The following NECTIN1 variants were observed in gnomAD, a reference collection of about 807,000 sequenced individuals.
NECTIN1 encodes the protein nectin-1.
In NECTIN1, 23 loss-of-function variants were observed where a neutral mutation model predicts 48.0. The ratio of observed to expected loss-of-function variants is 0.48; its 90% CI spans 0.34 to 0.68. The LOEUF is 0.68. NECTIN1 is among the 30% of genes least tolerant of loss of function. NECTIN1 has a pLI of 0.01. For synonymous variants in NECTIN1, 270 were observed against 288.9 expected (o/e 0.93, Z 0.66); for missense variants, 591 against 709.9 (o/e 0.83, Z 1.90).
intron 5 of NECTIN1, chr11:119,674,567 T>G (rs915404027): frequency 2.5e-6 from 4 of 1,614,078 alleles, no homozygotes; most frequent in Non-Finnish European, 3.4e-6. Flanking sequence ...CCATGCTCCT[T>G]TCACGTCCCA....
At chr11:119,689,537 G>A (rs191701230) in intron 1 of NECTIN1, among the ~76,000 whole-genome samples, 83 of 152,330 alleles carry the variant, frequency 5.4e-4, no homozygotes, top group African/African-American at 1.9e-3. Context: ...AGGGACTATC[G>A]GTTCAGGCTT....
chr11:119,657,883 T>C (rs1864600581), downstream of NECTIN1, among the ~76,000 whole-genome samples: 1 of 131,612 alleles, frequency 7.6e-6, no homozygotes, highest in Non-Finnish European at 1.5e-5. Context: ...ATTGTGCCAC[T>C]GCACTCCAGC....
downstream of NECTIN1, among the ~76,000 whole-genome samples, chr11:119,656,875 C>T (rs1864583111): frequency 6.6e-6 from 1 of 152,182 alleles, no homozygotes; most frequent in Non-Finnish European, 1.5e-5. Flanking sequence ...CAACATGGAG[C>T]CAGGAGCTCC....
At chr11:119,638,828 G>A in intron 6 of NECTIN1, 4 of 1,602,882 alleles carry the variant, frequency 2.5e-6, no homozygotes, top group Non-Finnish European at 3.4e-6. Flanking sequence ...ATGAGGGTAA[G>A]CTCAGCACAG....
chr11:119,689,680 C>G (rs1172376305), intron 1 of NECTIN1, among the ~76,000 whole-genome samples: 1 of 152,222 alleles, frequency 6.6e-6, no homozygotes, highest in Non-Finnish European at 1.5e-5. Context: ...ACTGCCAGAG[C>G]AGCAGGTGGG....
chr11:119,664,173 T>G lies in NECTIN1; in HGVS notation c.*574A>C, dbSNP rs919575136. On this transcript the variant is annotated 3_prime_UTR_variant, in exon 6 of 6. Coordinates refer to ENST00000264025, the MANE Select transcript of NECTIN1 (RefSeq NM_002855.5). ...TTAACAAACAAGACTCCCTGGGAAC[T>G]GGGGAGAAGCCGCACCCCTCCCCCT... 3 of 986,300 alleles carry G rather than the reference T, an allele frequency of 3.0e-6. No individual in the cohort carries two copies. The African/African-American group carries it at 5.2e-5, about 17-fold the overall frequency. The allele number at this position is 986,300 out of a possible 1,614,324, so 61.1% of individuals were successfully genotyped here. A position where few individuals can be genotyped will look rare whatever the true frequency, so the allele number is the denominator to read the frequency against.
intron 5 of NECTIN1, among the ~76,000 whole-genome samples, chr11:119,650,735 T>C (rs1399108649): frequency 6.6e-6 from 1 of 152,170 alleles, no homozygotes; most frequent in Non-Finnish European, 1.5e-5. Context: ...TGGGAAACTC[T>C]CTTCATGTCT....
Position 119,664,599 on chromosome 11 carries a change from C to G in NECTIN1, c.*148G>C, listed in dbSNP as rs1229476327. ...AGCCAAGTCGTGGCTGCCCTGGGCT[C>G]CCCTGGCCCCCCAGGAGTTCGGGGC... On this transcript the variant is annotated 3_prime_UTR_variant, in exon 6 of 6. Transcript: ENST00000264025. 2.1e-6 allele frequency: 3 copies of G among 1,441,322 alleles called. No individual in the cohort carries two copies. The highest frequency in any genetic ancestry group is 2.9e-5 in the African/African-American group (2 of 69,592). The allele number at this position is 1,441,322 out of a possible 1,614,324, so 89.3% of individuals were successfully genotyped here.
chr11:119,713,878 G>A, intron 1 of NECTIN1: 1 of 456,038 alleles, frequency 2.2e-6, no homozygotes, highest in Non-Finnish European at 4.4e-6. Context: ...TTGCTTGCCA[G>A]TGAGATGTCT....
rs11217396 is a variant in NECTIN1, at chr11:119,685,637, C to T, written c.80-6872G>A. Among the ~76,000 whole-genome samples, 561 of 152,326 alleles carry T rather than the reference C, an allele frequency of 3.7e-3. 5 individuals are homozygous for T. The East Asian group carries it at 0.048, about 13-fold the overall frequency. ...TGTTTCATGCTGGCTGCCCCATCCA[C>T]ATGGCCCATCATGGGGCCAGTCCTG... On this transcript the variant is annotated intron_variant, in intron 1 of 5. Transcript: ENST00000264025.
chr11:119,648,388 GTGGTGATGGTGGTGATGGTGA>G (rs1864441935), intron 5 of NECTIN1, among the ~76,000 whole-genome samples: 1 of 19,452 alleles, frequency 5.1e-5, no homozygotes, highest in Non-Finnish European at 1.1e-4. Context: ...GGTGGTGGTG[GTGGTGATGGTGGTGATGGTGA>G]TGGTGGTGGT....
intron 1 of NECTIN1, among the ~76,000 whole-genome samples, chr11:119,723,003 A>T (rs1865858008): frequency 6.6e-6 from 1 of 152,094 alleles, no homozygotes; most frequent in South Asian, 2.1e-4. Context: ...GGATCATGAG[A>T]TCAGGAGACT....
chr11:119,677,692 C>T lies in NECTIN1; in HGVS notation c.596G>A (p.Arg199Gln), dbSNP rs78809001. The change falls in exon 3 of 6, where the codon CGG (arginine) becomes CAG (glutamine). Residue 199 changes from arginine to glutamine, a missense_variant. Physicochemically the swap from Arg to Gln is conservative, Grantham distance 43. Transcript: ENST00000264025. The surrounding 1 kb of genome is among the most constrained non-coding windows in gnomAD (Gnocchi z 5.4). ...LKGEAEYQEI[R>Q]NPNGTVTVIS... ...GACCGTCACTGTGCCATTGGGGTTC[C>T]GGATCTCCTGGTACTCTGCCTCACC... The T allele has an allele frequency of 0.014, 22,326 of 1,614,126 alleles. 220 individuals carry two copies. Among genetic ancestry groups the T allele is most frequent in the Non-Finnish European group, 0.018 (20,762 of 1,180,006 alleles).
At chr11:119,698,832 G>T (rs1159757726) in intron 1 of NECTIN1, among the ~76,000 whole-genome samples, 1 of 152,128 alleles carries the variant, frequency 6.6e-6, no homozygotes, top group Non-Finnish European at 1.5e-5. Flanking sequence ...TCATGGACAG[G>T]GCTGCAAGCT....
intron 1 of NECTIN1, among the ~76,000 whole-genome samples, chr11:119,707,825 T>G (rs964065316): frequency 6.6e-6 from 1 of 152,202 alleles, no homozygotes; most frequent in Non-Finnish European, 1.5e-5. Flanking sequence ...GGGCTATCCA[T>G]CACCTCGACA....
intron 1 of NECTIN1, among the ~76,000 whole-genome samples, chr11:119,719,197 C>A (rs79712461): frequency 1.3e-5 from 2 of 152,280 alleles, no homozygotes; most frequent in South Asian, 4.1e-4. Context: ...AATAACTCCC[C>A]AAATGCATCA....
Position 119,710,508 on chromosome 11 carries a change from C to A in NECTIN1, c.79+17967G>T, listed in dbSNP as rs530092047. Among the ~76,000 whole-genome samples the A allele has an allele frequency of 8.5e-5, 13 of 152,170 alleles. No homozygotes were observed. In the South Asian group the frequency reaches 1.5e-3, roughly 17 times the overall value. ...AAATTCACTGACATGATCACTGCTA[C>A]GGTAGGACTGTTCACAAAGTGCCAT... On this transcript the variant is annotated intron_variant, in intron 1 of 5. Coordinates refer to ENST00000264025, the MANE Select transcript of NECTIN1 (RefSeq NM_002855.5).
intron 5 of NECTIN1, among the ~76,000 whole-genome samples, chr11:119,668,930 C>T (rs1018814156): frequency 6.6e-6 from 1 of 152,182 alleles, no homozygotes; most frequent in Non-Finnish European, 1.5e-5. Flanking sequence ...AGTCTATAAG[C>T]TCACTATTGT....
Position 119,727,466 on chromosome 11 carries a change from A to C in NECTIN1, c.79+1009T>G, listed in dbSNP as rs1048602965. On this transcript the variant is annotated intron_variant, in intron 1 of 5. Transcript: ENST00000264025. The surrounding 1 kb of genome is among the most constrained non-coding windows in gnomAD (Gnocchi z 4.1). ...ACCCAGAGAGCTGGAGGAACTCCCC[A>C]CACCCCTTGACCCACGCTTGGTGTC... is the stretch of plus-strand genomic sequence containing the variant. Among the ~76,000 whole-genome samples the C allele has an allele frequency of 3.9e-5, 6 of 152,046 alleles. No homozygotes were observed. The highest frequency in any genetic ancestry group is 8.8e-5 in the Non-Finnish European group (6 of 68,000).
Sources: allele counts gnomAD v4.1 joint callset (sites outside exome capture counted in the v4.1 genomes callset), GRCh38; gene constraint gnomAD v4.1.1; non-coding constraint Gnocchi (gnomAD v3.1); transcripts MANE v1.5; gene names NCBI Gene and HGNC (gene_info 2026-07-23, HGNC 2026-07-21).